TNNI3K: variants seen among roughly 807,000 people sequenced by gnomAD.
The protein encoded by TNNI3K is TNNI3 interacting kinase, also known as serine/threonine-protein kinase TNNI3K.
Under a neutral mutation model 114.5 loss-of-function variants are expected in TNNI3K, and 140 were observed. The ratio of observed to expected loss-of-function variants is 1.22; its 90% CI spans 1.07 to 1.41. TNNI3K has a LOEUF of 1.41. TNNI3K is among the 40% of genes most tolerant of loss of function. The probability of loss-of-function intolerance (pLI) is 0.00; values close to 1 mark genes in which losing one functional copy is unlikely to be tolerated. For synonymous variants in TNNI3K, 347 were observed against 347.5 expected, an observed-to-expected ratio of 1.00 and a Z score of 0.02; for missense variants, 1,125 against 1,007.6, an observed-to-expected ratio of 1.12 and a Z score of -1.58.
intron 23 of TNNI3K, among the ~76,000 whole-genome samples, chr1:74,492,707 A>G (rs988199331): frequency 1.8e-4 from 27 of 152,320 alleles, no homozygotes; most frequent in Admixed American, 3.3e-4. Context: ...TTAAACAAAT[A>G]CTTGTATTCA....
chr1:74,380,183 C>T (rs975732029), intron 17 of TNNI3K, among the ~76,000 whole-genome samples: 4 of 152,084 alleles, frequency 2.6e-5, no homozygotes, highest in African/African-American at 9.7e-5. Flanking sequence ...TTCTGTATGC[C>T]ATTTGAAATG....
At chr1:74,383,074 CT>C (rs967432626) in intron 17 of TNNI3K, among the ~76,000 whole-genome samples, 252 of 146,340 alleles carry the variant, frequency 1.7e-3, no homozygotes, top group African/African-American at 4.1e-3. Context: ...TCTTTAATTT[CT>C]TTTTTTTTTT....
At chr1:74,304,520 G>A (rs550402275) in intron 5 of TNNI3K, among the ~76,000 whole-genome samples, 11 of 152,136 alleles carry the variant, frequency 7.2e-5, no homozygotes, top group East Asian at 1.9e-4. Flanking sequence ...ATGGCTCACC[G>A]TAATCTTGAA....
At chr1:74,265,552 A>C (rs75172372) in intron 4 of TNNI3K, among the ~76,000 whole-genome samples, 1 of 152,040 alleles carries the variant, frequency 6.6e-6, no homozygotes, top group Non-Finnish European at 1.5e-5. Context: ...TCTCAGTGGC[A>C]TATCTATTTC....
chr1:74,501,927 A>G (rs901089539), intron 23 of TNNI3K, among the ~76,000 whole-genome samples: 7 of 152,178 alleles, frequency 4.6e-5, no homozygotes, highest in Non-Finnish European at 1.5e-5. Context: ...AGCCAGGAAT[A>G]ATGTAAGATA....
At chr1:74,457,201 G>A (rs1472843713) in intron 20 of TNNI3K, among the ~76,000 whole-genome samples, 5 of 152,068 alleles carry the variant, frequency 3.3e-5, no homozygotes, top group East Asian at 1.9e-4. Context: ...CAATCACCAC[G>A]CAGATCACTG....
intron 23 of TNNI3K, among the ~76,000 whole-genome samples, chr1:74,523,610 G>A (rs1011124343): frequency 3.9e-5 from 6 of 152,144 alleles, no homozygotes; most frequent in African/African-American, 1.4e-4. Flanking sequence ...CTCTTCATGA[G>A]TCTAGCTTTG....
At chr1:74,335,908 A>C (rs1030518809) in intron 6 of TNNI3K, 103 bp from the exon 7 acceptor site, 18 of 1,298,370 alleles carry the variant, frequency 1.4e-5, no homozygotes, top group Non-Finnish European at 1.8e-5. Flanking sequence ...TGATATAACA[A>C]TAAATTTTTG....
At chr1:74,356,390 A>T (rs1043151262) in intron 11 of TNNI3K, among the ~76,000 whole-genome samples, 1 of 152,168 alleles carries the variant, frequency 6.6e-6, no homozygotes, top group Non-Finnish European at 1.5e-5. Flanking sequence ...TTTCTATTAG[A>T]TATAAAGGTG....
intron 17 of TNNI3K, among the ~76,000 whole-genome samples, chr1:74,384,873 T>G (rs1663393024): frequency 6.6e-6 from 1 of 152,192 alleles, no homozygotes. Context: ...GGAAAACTTT[T>G]AATTTTTAGC....
intron 23 of TNNI3K, among the ~76,000 whole-genome samples, chr1:74,524,714 T>C (rs941797683): frequency 2.0e-4 from 30 of 151,968 alleles, no homozygotes; most frequent in Middle Eastern, 3.4e-3. Context: ...GTGGAGGTTT[T>C]ATTCTAATGT....
At chr1:74,351,334 C>A (rs1190579045) in intron 9 of TNNI3K, among the ~76,000 whole-genome samples, 1 of 151,492 alleles carries the variant, frequency 6.6e-6, no homozygotes, top group African/African-American at 2.4e-5. Context: ...GCCGAGAGAT[C>A]TGCTGTTAGT....
Position 74,281,065 on chromosome 1 carries a change from A to G in TNNI3K, c.444+9357A>G, listed in dbSNP as rs1656981337. Reference sequence around the variant, plus strand: ...GCTACTGAACAGCATTTCTAGACCCACCCTGGGACAGAAGGGAACCCAGTG... The same window carrying G: ...GCTACTGAACAGCATTTCTAGACCCGCCCTGGGACAGAAGGGAACCCAGTG... On this transcript the variant is annotated intron_variant, in intron 5 of 24. Coordinates refer to ENST00000326637, the MANE Select transcript of TNNI3K (RefSeq NM_015978.3). Among the ~76,000 whole-genome samples, 3 of 152,016 alleles carry G rather than the reference A, an allele frequency of 2.0e-5. No individual in the cohort carries two copies. The South Asian group carries it at 6.2e-4, about 32-fold the overall frequency.
intron 20 of TNNI3K, among the ~76,000 whole-genome samples, chr1:74,440,411 C>T (rs2100671867): frequency 6.6e-6 from 1 of 152,030 alleles, no homozygotes; most frequent in African/African-American, 2.4e-5. Context: ...TTGTAATCTC[C>T]TAATGGCCAC....
intron 17 of TNNI3K, among the ~76,000 whole-genome samples, chr1:74,395,970 A>C (rs1297314833): frequency 6.6e-6 from 1 of 152,088 alleles, no homozygotes; most frequent in African/African-American, 2.4e-5. Context: ...GCCAAGCTTT[A>C]ATTCTTTATG....
At chr1:74,412,787 G>T (rs564136412) in intron 17 of TNNI3K, among the ~76,000 whole-genome samples, 2 of 152,004 alleles carry the variant, frequency 1.3e-5, no homozygotes, top group East Asian at 1.9e-4. Context: ...GCTAATTCTT[G>T]TATTTTTATT....
intron 9 of TNNI3K, among the ~76,000 whole-genome samples, chr1:74,343,996 A>T (rs927146140): frequency 2.0e-5 from 3 of 152,174 alleles, no homozygotes; most frequent in African/African-American, 7.2e-5. Context: ...TACACATTAC[A>T]TATGTTTCCA....
Position 74,349,728 on chromosome 1 carries a change from A to G in TNNI3K, c.933-3538A>G, listed in dbSNP as rs532428298. On this transcript the variant is annotated intron_variant, in intron 9 of 24. Coordinates refer to ENST00000326637, the MANE Select transcript of TNNI3K (RefSeq NM_015978.3). ...AGTGTATGTGTCGAGGAATTTATCC[A>G]TTTCTTCTAGATTTTCTAGTTTATT... Among the ~76,000 whole-genome samples the G allele has an allele frequency of 9.5e-4, 145 of 152,156 alleles. 1 individual carries two copies. Among genetic ancestry groups the G allele is most frequent in the Non-Finnish European group, 7.4e-5 (5 of 67,996 alleles).
chr1:74,386,868 A>C (rs991938831), intron 17 of TNNI3K, among the ~76,000 whole-genome samples: 2 of 152,182 alleles, frequency 1.3e-5, no homozygotes, highest in African/African-American at 4.8e-5. Context: ...GACTCACAGA[A>C]ATATAGTTTA....
Sources: allele counts gnomAD v4.1 joint callset (sites outside exome capture counted in the v4.1 genomes callset), GRCh38; gene constraint gnomAD v4.1.1; transcripts MANE v1.5; gene names NCBI Gene and HGNC (gene_info 2026-07-23, HGNC 2026-07-21).